Variants in NRXN1 observed in about 807,000 individuals in gnomAD.
NRXN1 encodes the protein neurexin 1.
Under a neutral mutation model 150.9 loss-of-function variants are expected in NRXN1, and 39 were observed. The ratio of observed to expected loss-of-function variants is 0.26; its 90% CI spans 0.20 to 0.34. The LOEUF (loss-of-function observed/expected upper bound fraction) is 0.34, where lower values mean the gene tolerates loss of function less well. Among genes scored for constraint, NRXN1 ranks in the 10% least tolerant of loss-of-function variants. The pLI, the probability that NRXN1 is intolerant of heterozygous loss-of-function variation, is 1.00. For missense variants in NRXN1, 1,815 were observed against 1,949.9 expected, an observed-to-expected ratio of 0.93 and a Z score of 1.30; for synonymous variants, 924 against 757.0, an observed-to-expected ratio of 1.22 and a Z score of -3.62.
chr2:50,845,051 C>A (rs1056938199), intron 5 of NRXN1, among the ~76,000 whole-genome samples: 1 of 151,174 alleles, frequency 6.6e-6, no homozygotes, highest in African/African-American at 2.4e-5. Flanking sequence ...TAGATAGGCT[C>A]CCCCATATTG....
chr2:50,772,206 C>T (rs1703094855), intron 5 of NRXN1, among the ~76,000 whole-genome samples: 1 of 151,778 alleles, frequency 6.6e-6, no homozygotes. Flanking sequence ...GGGCGCAACC[C>T]AACCTCACCT....
chr2:50,079,168 A>C (rs2218979), intron 19 of NRXN1, among the ~76,000 whole-genome samples: 51,817 of 151,666 alleles, frequency 0.34, 10,048 homozygotes, highest in African/African-American at 0.51. Context: ...GGTTATAATC[A>C]AATGACATAT....
intron 17 of NRXN1, among the ~76,000 whole-genome samples, chr2:50,369,464 G>T (rs1415815046): frequency 6.6e-6 from 1 of 151,888 alleles, no homozygotes; most frequent in Non-Finnish European, 1.5e-5. Flanking sequence ...GATCTTACAG[G>T]AAGTTAACAA....
chr2:50,884,767 A>G (rs1186697322), intron 5 of NRXN1, among the ~76,000 whole-genome samples: 2 of 151,560 alleles, frequency 1.3e-5, no homozygotes, highest in East Asian at 1.9e-4. Context: ...ATAGAAACCC[A>G]TAGGTTTTAA....
intron 4 of NRXN1, 148 bp from the exon 5 acceptor site, chr2:50,922,028 T>G (rs917004312): frequency 2.3e-6 from 1 of 443,192 alleles, no homozygotes; most frequent in South Asian, 8.9e-5. Context: ...AACAAGGTTT[T>G]GAAGACAAAT....
At chr2:50,408,980 A>C (rs954064095) in intron 17 of NRXN1, among the ~76,000 whole-genome samples, 1 of 152,152 alleles carries the variant, frequency 6.6e-6, no homozygotes, top group African/African-American at 2.4e-5. Flanking sequence ...CAGGAAAAAA[A>C]ATTGACATGT....
intron 21 of NRXN1, among the ~76,000 whole-genome samples, chr2:49,971,643 G>A (rs1054359494): frequency 3.9e-5 from 6 of 152,060 alleles, no homozygotes; most frequent in Admixed American, 2.0e-4. Flanking sequence ...TCCAAAGATC[G>A]GTCTGGAGAC....
At chr2:50,613,170 C>T (rs771512633) in intron 8 of NRXN1, among the ~76,000 whole-genome samples, 10 of 152,128 alleles carry the variant, frequency 6.6e-5, no homozygotes, top group Non-Finnish European at 1.3e-4. Flanking sequence ...TCTTTCTATA[C>T]CTGAACTTCT....
Position 50,531,314 on chromosome 2 carries a change from T to C in NRXN1, c.2260A>G (p.Ile754Val). ...TCTCTAGAAGTGGTTGCCATCAGAA[T>C]GCCATATGCACGCTGGGATCGGAAC... ...LRFRSQRAYG[I>V]LMATTSRDSA... Residue 754 changes from isoleucine (I) to valine (V), a missense_variant, in exon 11 of 23, where the codon ATT becomes GTT. Ile to Val is a conservative substitution (Grantham distance 29, BLOSUM62 3). Around this residue, in one of 6 missense-constraint regions of NRXN1, gnomAD observed 638 missense variants for 652.6 expected, o/e 0.98. Transcript: ENST00000401669. 1.2e-6 allele frequency: 2 copies of C among 1,613,676 alleles called. No individual in the cohort carries two copies. Among genetic ancestry groups the C allele is most frequent in the Non-Finnish European group, 1.7e-6 (2 of 1,179,776 alleles).
intron 8 of NRXN1, among the ~76,000 whole-genome samples, chr2:50,567,007 A>G (rs1333940488): frequency 1.3e-5 from 2 of 152,230 alleles, no homozygotes; most frequent in South Asian, 2.1e-4. Flanking sequence ...AATATTAATA[A>G]TAATAATCCC....
At chr2:50,172,181 A>G (rs928854339) in intron 18 of NRXN1, among the ~76,000 whole-genome samples, 6 of 152,222 alleles carry the variant, frequency 3.9e-5, no homozygotes, top group Admixed American at 2.6e-4. Context: ...AAGAATAATT[A>G]TTAATAACAT....
At chr2:50,649,623 G>C (rs560651626) in intron 5 of NRXN1, among the ~76,000 whole-genome samples, 60 of 151,912 alleles carry the variant, frequency 3.9e-4, no homozygotes, top group Non-Finnish European at 5.6e-4. Context: ...AATGATTTTT[G>C]TGACCCTGAA....
intron 5 of NRXN1, among the ~76,000 whole-genome samples, chr2:50,630,017 C>G (rs538120755): frequency 1.3e-5 from 2 of 151,540 alleles, no homozygotes; most frequent in Non-Finnish European, 3.0e-5. Flanking sequence ...TTTGAAGCAT[C>G]TTTCCAATAG....
intron 5 of NRXN1, among the ~76,000 whole-genome samples, chr2:50,863,512 C>G (rs1166204343): frequency 6.6e-6 from 1 of 151,970 alleles, no homozygotes; most frequent in South Asian, 2.1e-4. Flanking sequence ...AGGACAAGCA[C>G]AGTCCATCCC....
intron 21 of NRXN1, among the ~76,000 whole-genome samples, chr2:50,030,394 G>C (rs1199673223): frequency 2.0e-5 from 3 of 152,058 alleles, no homozygotes; most frequent in African/African-American, 4.8e-5. Flanking sequence ...CCATCTCCCA[G>C]TCTCTGTGGA....
At chr2:50,382,618 T>C (rs1226747629) in intron 17 of NRXN1, among the ~76,000 whole-genome samples, 2 of 152,208 alleles carry the variant, frequency 1.3e-5, no homozygotes, top group African/African-American at 4.8e-5. Flanking sequence ...GCCAGGAAGC[T>C]TCTCCTCCTG....
At chr2:50,148,801 C>A (rs2058521074) in intron 18 of NRXN1, among the ~76,000 whole-genome samples, 1 of 151,644 alleles carries the variant, frequency 6.6e-6, no homozygotes, top group Non-Finnish European at 1.5e-5. Context: ...CCATTCTAAG[C>A]CTGCCTTGCA....
rs565901103 is a variant in NRXN1 at position 51,026,568 on chromosome 2, T to G, written c.772+934A>C. 262 of 741,262 alleles carry G rather than the reference T, an allele frequency of 3.5e-4. 3 individuals carry two copies. The South Asian group carries it at 4.1e-3, about 12-fold the overall frequency. The allele number at this position is 741,262 out of a possible 1,614,324, so 45.9% of individuals were successfully genotyped here. A position where few individuals can be genotyped will look rare whatever the true frequency, so the allele number is the denominator to read the frequency against. On this transcript the variant is annotated intron_variant, in intron 2 of 22. Coordinates refer to ENST00000401669, the MANE Select transcript of NRXN1 (RefSeq NM_001330078.2). ...ACAGAAATTACAACTTGGCCTCCAC[T>G]ACCCAGATAAATGTCATTAGCCGAA...
At chr2:50,178,399 T>G (rs888771201) in intron 18 of NRXN1, among the ~76,000 whole-genome samples, 1 of 152,036 alleles carries the variant, frequency 6.6e-6, no homozygotes, top group Non-Finnish European at 1.5e-5. Context: ...CAGTCCATGA[T>G]AAATGTCTTC....
Sources: allele counts gnomAD v4.1 joint callset (sites outside exome capture counted in the v4.1 genomes callset), GRCh38; gene constraint gnomAD v4.1.1; regional missense constraint gnomAD v4.1.1; transcripts MANE v1.5; gene names NCBI Gene and HGNC (gene_info 2026-07-23, HGNC 2026-07-21).